The following ZNF831 variants were observed in gnomAD, a reference collection of about 807,000 sequenced individuals.
ZNF831 encodes zinc finger protein 831, also known as chromosome 20 open reading frame 174.
Under a neutral mutation model 95.8 loss-of-function variants are expected in ZNF831, and 59 were observed. The observed-to-expected ratio is 0.62, with a 90% confidence interval of 0.50 to 0.77. ZNF831 has a LOEUF of 0.77. ZNF831 is among the 30% of genes least tolerant of loss of function. ZNF831 has a pLI of 0.00. For missense variants in ZNF831, 2,205 were observed against 2,164.0 expected (o/e 1.02, Z -0.38); for synonymous variants, 961 against 925.5 (o/e 1.04, Z -0.70).
chr20:59,233,839 A>T (rs1180075785), intron 4 of ZNF831, among the ~76,000 whole-genome samples: 2 of 152,200 alleles, frequency 1.3e-5, no homozygotes, highest in African/African-American at 4.8e-5. Context: ...CTCTGATCTG[A>T]CAATTGCATG....
At chr20:59,133,379 G>A (rs112617789) in intron 1 of ZNF831, among the ~76,000 whole-genome samples, 8 of 152,286 alleles carry the variant, frequency 5.3e-5, no homozygotes, top group African/African-American at 1.9e-4. Context: ...ATCACTTTGG[G>A]CAGTTGCTAT....
rs532224402 is a variant in ZNF831 at position 59,126,135 on chromosome 20, G to A, written c.-1425+2630G>A. ...TGCTGGAAGTATCAGATTTCTTTAG[G>A]AAATGCCATTTCTTAAGCAGCCTGT... On this transcript the variant is annotated intron_variant, in intron 1 of 7. Transcript: ENST00000637017. Among the ~76,000 whole-genome samples the A allele has an allele frequency of 2.0e-5, 3 of 152,220 alleles. No homozygotes were observed. The East Asian group carries it at 5.8e-4, about 29-fold the overall frequency.
rs1233083258 is a variant in ZNF831 at position 59,193,105 on chromosome 20, C to A, written c.2086C>A (p.Pro696Thr). ...AGATPEPWGN[P>T]PALEASLVTE... is the part of the protein sequence containing the mutation. Reference sequence around the variant, plus strand: ...GGCAACGCCAGAGCCTTGGGGAAATCCACCAGCCCTGGAGGCCTCCTTGGT... The same window carrying A: ...GGCAACGCCAGAGCCTTGGGGAAATACACCAGCCCTGGAGGCCTCCTTGGT... The change falls in exon 2 of 6, where the codon CCA becomes ACA. Residue 696 changes from proline (P) to threonine (T), a missense_variant. Physicochemically the swap from Pro to Thr is conservative, Grantham distance 38. Transcript: ENST00000371030. The A allele has an allele frequency of 1.3e-6, 2 of 1,594,458 alleles. No homozygotes were observed. Among genetic ancestry groups the A allele is most frequent in the East Asian group, 2.3e-5 (1 of 43,850 alleles).
chr20:59,197,213 C>G (rs1984188973), intron 3 of ZNF831, among the ~76,000 whole-genome samples: 2 of 152,178 alleles, frequency 1.3e-5, no homozygotes, highest in Non-Finnish European at 2.9e-5. Flanking sequence ...CCTGCCCTGC[C>G]TCTATCAATG....
In ZNF831 at chr20:59,167,495, T is replaced by G. The variant is rs539656572; in HGVS notation, c.-37+3288T>G. Among the ~76,000 whole-genome samples the G allele has an allele frequency of 2.2e-4, 33 of 152,296 alleles. No individual in the cohort carries two copies. The South Asian group carries it at 6.8e-3, about 32-fold the overall frequency. On this transcript the variant is annotated intron_variant, in intron 1 of 5. Coordinates refer to ENST00000371030, the MANE Select transcript of ZNF831 (RefSeq NM_178457.3). ...ATTTTCCTTTTATGGCTCATACTTT[T>G]TGTTTCAAGTCTAGGAACTCTTTCC...
At chr20:59,185,471 G>C (rs1216066436) in intron 1 of ZNF831, among the ~76,000 whole-genome samples, 1 of 152,062 alleles carries the variant, frequency 6.6e-6, no homozygotes, top group Admixed American at 6.5e-5. Context: ...CCTACCCCCA[G>C]GTTGGGCTAA....
At position 59,148,571 on chromosome 20, in the gene ZNF831, A is replaced by T. The variant is rs73618639; in HGVS notation, c.-1281+2197A>T. On this transcript the variant is annotated intron_variant, in intron 2 of 7. Transcript: ENST00000637017. ...GGCGCGCGCCTGTAGTCCCAGCTAC[A>T]CGGGAGGCTGAGGCAGGAGAATGGC... 2.9e-4 allele frequency among the ~76,000 whole-genome samples: 39 copies of T among 135,664 alleles called. 2 individuals are homozygous for T. The highest frequency in any genetic ancestry group is 1.3e-3 in the Admixed American group (18 of 14,038). 89.0% of individuals were successfully genotyped at this position (135,664 alleles called of 152,430 possible). A position where few individuals can be genotyped will look rare whatever the true frequency, so the allele number is the denominator to read the frequency against.
In ZNF831 at chr20:59,191,353, A is replaced by G. The variant is rs1364324220; in HGVS notation, c.334A>G (p.Thr112Ala). 2 of 1,607,946 alleles carry G rather than the reference A, an allele frequency of 1.2e-6. No individual in the cohort carries two copies. The highest frequency in any genetic ancestry group is 1.7e-4 in the Middle Eastern group (1 of 6,038). ...CCAGGTGGGGAAGCCGGCGGCCCCT[A>G]CGCTGACGGTGAACATCGTGGGCAC... Reference protein sequence around the residue: ...PTQVGKPAAPTLTVNIVGTLP... With the variant: ...PTQVGKPAAPALTVNIVGTLP... Residue 112 changes from threonine (T) to alanine (A), a missense_variant, in exon 2 of 6, where the codon ACG (threonine) becomes GCG (alanine). Transcript: ENST00000371030.
chr20:59,244,861 C>T (rs1987515284), intron 4 of ZNF831, among the ~76,000 whole-genome samples: 1 of 152,178 alleles, frequency 6.6e-6, no homozygotes, highest in African/African-American at 2.4e-5. Context: ...CTGTTCATCC[C>T]TTCCTTTATT....
chr20:59,131,235 A>G (rs947097050), intron 1 of ZNF831, among the ~76,000 whole-genome samples: 8 of 152,192 alleles, frequency 5.3e-5, no homozygotes, highest in African/African-American at 1.7e-4. Flanking sequence ...CTTTGTGGTC[A>G]TCAGTACCCA....
chr20:59,163,012 TA>T (rs1980968300), upstream of ZNF831, among the ~76,000 whole-genome samples: 2 of 135,908 alleles, frequency 1.5e-5, no homozygotes, highest in Admixed American at 7.2e-5. Context: ...GATGTATTCC[TA>T]GGTGTGTGTG....
intron 4 of ZNF831, among the ~76,000 whole-genome samples, chr20:59,240,370 A>T (rs1348970106): frequency 1.3e-5 from 2 of 152,200 alleles, no homozygotes; most frequent in Non-Finnish European, 2.9e-5. Flanking sequence ...GGTAGAATAG[A>T]ATCCTTCAGG....
In ZNF831 at chr20:59,249,480, G is replaced by A. The variant is rs76686376; in HGVS notation, c.4028-3498G>A. Among the ~76,000 whole-genome samples the A allele has an allele frequency of 5.3e-5, 8 of 152,254 alleles. No individual in the cohort carries two copies. The East Asian group carries it at 1.5e-3, about 29-fold the overall frequency. The stretch of plus-strand genomic sequence containing the variant: ...TTTCCCCATTACAGTAGAAGCTCTT[G>A]AGGGCCAGCGTCACCTTTGTTTTGT... On this transcript the variant is annotated intron_variant, in intron 4 of 5. Transcript: ENST00000371030.
intron 1 of ZNF831, among the ~76,000 whole-genome samples, chr20:59,188,597 C>A (rs1350814009): frequency 6.6e-6 from 1 of 151,980 alleles, no homozygotes; most frequent in Admixed American, 6.6e-5. Flanking sequence ...GCGGAGGTTG[C>A]AGTGAGCTGA....
intron 3 of ZNF831, among the ~76,000 whole-genome samples, chr20:59,201,754 T>A (rs76173929): frequency 3.9e-5 from 6 of 152,220 alleles, no homozygotes; most frequent in Non-Finnish European, 7.3e-5. Context: ...AATACCACAC[T>A]GACTTGATTA....
chr20:59,241,477 A>G (rs7268948), intron 4 of ZNF831, among the ~76,000 whole-genome samples: 4,376 of 152,286 alleles, frequency 0.029, 204 homozygotes, highest in African/African-American at 0.1. Flanking sequence ...CGGTGACCCC[A>G]CAGTCCACCC....
At chr20:59,139,565 C>G (rs141743754) in intron 1 of ZNF831, among the ~76,000 whole-genome samples, 18 of 152,204 alleles carry the variant, frequency 1.2e-4, no homozygotes, top group African/African-American at 4.1e-4. Context: ...GTAACTAATA[C>G]TCAACTGACC....
At chr20:59,222,101 C>T (rs1423718015) in intron 4 of ZNF831, among the ~76,000 whole-genome samples, 1 of 152,254 alleles carries the variant, frequency 6.6e-6, no homozygotes, top group Non-Finnish European at 1.5e-5. Flanking sequence ...TCCTGTCTCC[C>T]AGCTTATCAA....
chr20:59,206,824 C>A, intron 3 of ZNF831, 81 bp from the exon 4 acceptor site: 1 of 1,511,348 alleles, frequency 6.6e-7, no homozygotes, highest in Non-Finnish European at 9.0e-7. Context: ...TTCTCCTGGG[C>A]ACCCCACAGT....
Sources: allele counts gnomAD v4.1 joint callset (sites outside exome capture counted in the v4.1 genomes callset), GRCh38; gene constraint gnomAD v4.1.1; transcripts MANE v1.5; gene names NCBI Gene and HGNC (gene_info 2026-07-23, HGNC 2026-07-21).